ZNF560: variants seen among roughly 807,000 people sequenced by gnomAD.
ZNF560 encodes zinc finger protein 560.
Under a neutral mutation model 81.8 loss-of-function variants are expected in ZNF560, and 54 were observed. That is an observed-to-expected ratio of 0.66 (90% CI 0.53 to 0.83). The LOEUF is 0.83. Among genes scored for constraint, ZNF560 ranks in the 40% least tolerant of loss-of-function variants. The pLI, the probability that ZNF560 is intolerant of heterozygous loss-of-function variation, is 0.00. For synonymous variants in ZNF560, 321 were observed against 317.9 expected (o/e 1.01, Z -0.10); for missense variants, 940 against 932.4 (o/e 1.01, Z -0.11).
At position 9,467,327 on chromosome 19, in the gene ZNF560, T is replaced by A. The variant is rs539455433; in HGVS notation, c.1620A>T (p.Glu540Asp). 163 of 1,614,206 alleles carry A rather than the reference T, an allele frequency of 1.0e-4. 3 individuals are homozygous for A. The South Asian group carries it at 1.6e-3, about 16-fold the overall frequency. Residue 540 changes from glutamate to aspartate, a missense_variant, in exon 10 of 10, where the codon GAA (glutamate) becomes GAT (aspartate). Transcript: ENST00000301480. ...ATTTCTTACATTGATAGAGTCTCTCTTCTGTGTGAGTTCGCATGTGAATAC... is the reference window on the plus strand; with the variant it reads ...ATTTCTTACATTGATAGAGTCTCTCATCTGTGTGAGTTCGCATGTGAATAC... ...CLRIHMRTHT[E>D]ERLYQCKKCG...
At chr19:9,487,066 T>C (rs2073396959) in intron 2 of ZNF560, among the ~76,000 whole-genome samples, 1 of 152,192 alleles carries the variant, frequency 6.6e-6, no homozygotes, top group Non-Finnish European at 1.5e-5. Flanking sequence ...TTTAAGTTAT[T>C]GGCCAGTCAG....
chr19:9,485,317 T>G (rs1322570083), intron 2 of ZNF560, among the ~76,000 whole-genome samples: 1 of 152,106 alleles, frequency 6.6e-6, no homozygotes, highest in Admixed American at 6.6e-5. Context: ...ATTAAAATTA[T>G]CATTCATAAT....
chr19:9,467,528 T>C lies in ZNF560; in HGVS notation c.1419A>G (p.Ser473=), dbSNP rs778070721. The change falls in exon 10 of 10, where the codon TCA becomes TCG. Residue 473 remains serine, a synonymous_variant. Transcript: ENST00000301480. Reference sequence around the variant, plus strand: ...TACTTCTTCTATCTTCAATAACACCTGAGGATGTACCAAAGGCCTTCCCAT... The same window carrying C: ...TACTTCTTCTATCTTCAATAACACCCGAGGATGTACCAAAGGCCTTCCCAT... The part of the protein sequence containing the change: ...KEYGKAFGTS[S]GVIEDRRSNT... 5.6e-6 allele frequency: 9 copies of C among 1,614,064 alleles called. No individual in the cohort carries two copies. The highest frequency in any genetic ancestry group is 7.6e-6 in the Non-Finnish European group (9 of 1,180,024).
At position 9,475,318 on chromosome 19, in the gene ZNF560, C is replaced by T; in HGVS notation, c.-5G>A. 1 of 1,613,652 alleles carries T rather than the reference C, an allele frequency of 6.2e-7. No individual in the cohort carries two copies. Among genetic ancestry groups the T allele is most frequent in the Non-Finnish European group, 8.5e-7 (1 of 1,179,882 alleles). ...ATTTGTCAGGCAGTAAGCCATCTTC[C>T]TTTCTGCCTCTGTCTTTTCTTCATG... On this transcript the variant is annotated 5_prime_UTR_variant, in exon 3 of 10. Transcript: ENST00000301480.
At chr19:9,469,606 G>C in intron 8 of ZNF560, 24 bp downstream of exon 8, 2 of 1,607,296 alleles carry the variant, frequency 1.2e-6, no homozygotes, top group Non-Finnish European at 1.7e-6. Flanking sequence ...TCATGGACCA[G>C]GGTTGTTCTT....
At chr19:9,450,533 G>A in the ZNF560 span, among the ~76,000 whole-genome samples, 2 of 152,066 alleles carry the variant, frequency 1.3e-5, no homozygotes, top group African/African-American at 4.8e-5. Context: ...CAAAATCAAT[G>A]TATAAAAATC....
the ZNF560 span, among the ~76,000 whole-genome samples, chr19:9,452,574 A>G: frequency 6.6e-6 from 1 of 152,256 alleles, no homozygotes; most frequent in African/African-American, 2.4e-5. Flanking sequence ...GCAGCCATAA[A>G]AAAGAACAAG....
At chr19:9,497,660 G>C (rs1435639452) in intron 2 of ZNF560, among the ~76,000 whole-genome samples, 1 of 151,942 alleles carries the variant, frequency 6.6e-6, no homozygotes, top group East Asian at 1.9e-4. Flanking sequence ...AAAAACAGGT[G>C]CAGCTACAAT....
downstream of ZNF560, among the ~76,000 whole-genome samples, chr19:9,462,135 C>G (rs2072941953): frequency 6.6e-6 from 1 of 152,118 alleles, no homozygotes. Flanking sequence ...GGAATAGGCC[C>G]CAAGCCTGGC....
intron 2 of ZNF560, among the ~76,000 whole-genome samples, chr19:9,475,721 C>T (rs944496426): frequency 2.0e-5 from 3 of 151,874 alleles, no homozygotes; most frequent in Non-Finnish European, 4.4e-5. Flanking sequence ...ATTCTCCTGC[C>T]TCAGCCTCCT....
At chr19:9,474,816 G>T (rs543706815) in intron 3 of ZNF560, among the ~76,000 whole-genome samples, 1 of 143,802 alleles carries the variant, frequency 7.0e-6, no homozygotes, top group South Asian at 2.2e-4. Context: ...GCACCACCAT[G>T]CCTGGCATTT....
At chr19:9,471,157 CA>C in intron 6 of ZNF560, 138 bp downstream of exon 6, 1 of 545,488 alleles carries the variant, frequency 1.8e-6, no homozygotes, top group African/African-American at 2.0e-5. Context: ...TCATCATTAT[CA>C]GAGCATCTCT....
upstream of ZNF560, among the ~76,000 whole-genome samples, chr19:9,502,032 T>C (rs1431188578): frequency 6.6e-6 from 1 of 151,698 alleles, no homozygotes; most frequent in East Asian, 2.0e-4. Context: ...CATGCACCTG[T>C]AATCCCAGCT....
At chr19:9,490,865 T>A (rs1390465945) in intron 2 of ZNF560, among the ~76,000 whole-genome samples, 1 of 152,204 alleles carries the variant, frequency 6.6e-6, no homozygotes, top group Non-Finnish European at 1.5e-5. Context: ...CACTCAGGAT[T>A]GTGCAGAAGT....
At chr19:9,447,128 C>T in the ZNF560 span, among the ~76,000 whole-genome samples, 38 of 122,656 alleles carry the variant, frequency 3.1e-4, no homozygotes, top group Admixed American at 1.4e-3. Flanking sequence ...AGCGAGACTC[C>T]GTCACAAAAA....
rs749947370 is a variant in ZNF560, at chr19:9,471,300, T to G, written c.317A>C (p.Gln106Pro). 1 of 1,587,696 alleles carries G rather than the reference T, an allele frequency of 6.3e-7. No individual in the cohort carries two copies. Among genetic ancestry groups the G allele is most frequent in the Non-Finnish European group, 8.5e-7 (1 of 1,169,918 alleles). The change falls in exon 6 of 10, where the codon CAA becomes CCA. Residue 106 changes from glutamine (Q) to proline (P), a missense_variant. Physicochemically the swap from Gln to Pro is moderately conservative, Grantham distance 76 (BLOSUM62 -1). Transcript: ENST00000301480. ...FWKIQTSNGI[Q>P]MDLVTFDSVA... is the part of the protein sequence containing the mutation. ...AATACCCTTTCTTAACATTACCATT[T>G]GTATCCCATTAGAAGTTTGTATTTT...
the ZNF560 span, among the ~76,000 whole-genome samples, chr19:9,459,291 T>G: frequency 6.6e-6 from 1 of 152,182 alleles, no homozygotes; most frequent in African/African-American, 2.4e-5. Context: ...CCGATTGTTA[T>G]CAGCAGCTGA....
At chr19:9,454,140 C>T in the ZNF560 span, among the ~76,000 whole-genome samples, 2 of 152,222 alleles carry the variant, frequency 1.3e-5, no homozygotes, top group Admixed American at 1.3e-4. Flanking sequence ...CATGTTCCTG[C>T]TGCAGATAAC....
chr19:9,491,012 A>C (rs944732326), intron 2 of ZNF560, among the ~76,000 whole-genome samples: 1 of 152,352 alleles, frequency 6.6e-6, no homozygotes, highest in Admixed American at 6.5e-5. Context: ...TATTTTGTAC[A>C]TGATATCCCA....
Sources: allele counts gnomAD v4.1 joint callset (sites outside exome capture counted in the v4.1 genomes callset), GRCh38; gene constraint gnomAD v4.1.1; transcripts MANE v1.5; gene names NCBI Gene and HGNC (gene_info 2026-07-23, HGNC 2026-07-21).